Variants in NAV3 observed in about 807,000 individuals in gnomAD.
NAV3 encodes the protein pore membrane and/or filament interacting like protein 1.
NAV3 carries 87 observed loss-of-function variants against 244.7 expected under a neutral mutation model. The ratio of observed to expected loss-of-function variants is 0.36; its 90% confidence interval spans 0.30 to 0.42. NAV3 has a LOEUF of 0.42. Ranked by LOEUF, NAV3 falls within the 20% of genes least tolerant of loss-of-function variation. The pLI, the probability that NAV3 is intolerant of heterozygous loss-of-function variation, is 1.00. For missense variants in NAV3, 2,663 were observed against 2,893.3 expected (o/e 0.92, Z 1.83); for synonymous variants, 1,126 against 1,042.2 (o/e 1.08, Z -1.55).
intron 15 of NAV3, 133 bp from the exon 16 acceptor site, chr12:78,121,807 A>T: frequency 8.7e-7 from 1 of 1,151,586 alleles, no homozygotes; most frequent in Non-Finnish European, 1.2e-6. Flanking sequence ...AAAGTTCATT[A>T]ACATAGAGAC....
chr12:77,580,055 G>A (rs902066940), intron 2 of NAV3, among the ~76,000 whole-genome samples: 2 of 152,096 alleles, frequency 1.3e-5, no homozygotes, highest in Non-Finnish European at 1.5e-5. Flanking sequence ...GACTTACTAT[G>A]GGGCCCCAGC....
chr12:78,159,904 T>C (rs548700029), intron 23 of NAV3, among the ~76,000 whole-genome samples: 4 of 152,224 alleles, frequency 2.6e-5, no homozygotes, highest in African/African-American at 9.6e-5. Flanking sequence ...CAAACTGTTA[T>C]GCAGTTGACA....
intron 1 of NAV3, among the ~76,000 whole-genome samples, chr12:77,871,104 A>T (rs1880884270): frequency 6.6e-6 from 1 of 152,200 alleles, no homozygotes; most frequent in Non-Finnish European, 1.5e-5. Flanking sequence ...TTACAAGGGA[A>T]CATGTCTGTG....
At chr12:78,145,101 G>C (rs201808582) in intron 20 of NAV3, 1 of 300,522 alleles carries the variant, frequency 3.3e-6, no homozygotes, top group Non-Finnish European at 6.5e-6. Flanking sequence ...AAACCAAACT[G>C]TGTATAAAAC....
chr12:77,654,525 C>G (rs2695843), intron 2 of NAV3, among the ~76,000 whole-genome samples: 5 of 151,944 alleles, frequency 3.3e-5, no homozygotes, highest in Non-Finnish European at 7.4e-5. Context: ...CTCTGGGTGT[C>G]GGGCACAGAC....
In NAV3 at chr12:78,053,220, T is replaced by A. The variant is rs565915625; in HGVS notation, c.2516+2073T>A. On this transcript the variant is annotated intron_variant, in intron 11 of 39. Transcript: ENST00000397909. ...GACAGAGTGAGACTCCGTCTAAAAA[T>A]ATATATATATATAATATATATATGT... Among the ~76,000 whole-genome samples, 79 of 149,112 alleles carry A rather than the reference T, an allele frequency of 5.3e-4. 1 individual carries two copies. The highest frequency in any genetic ancestry group is 1.7e-3 in the African/African-American group (71 of 40,648).
At chr12:77,957,636 T>C (rs1891488031) in intron 3 of NAV3, among the ~76,000 whole-genome samples, 1 of 152,230 alleles carries the variant, frequency 6.6e-6, no homozygotes, top group African/African-American at 2.4e-5. Flanking sequence ...ATTTTTAGAA[T>C]AGTTTATTCA....
chr12:77,778,749 G>T (rs1341753674), intron 2 of NAV3, among the ~76,000 whole-genome samples: 1 of 152,050 alleles, frequency 6.6e-6, no homozygotes, highest in Admixed American at 6.6e-5. Context: ...TAAGGGAAGA[G>T]TTGTCAATCC....
At chr12:78,071,125 C>T (rs1439601838) in intron 12 of NAV3, among the ~76,000 whole-genome samples, 3 of 152,092 alleles carry the variant, frequency 2.0e-5, no homozygotes, top group Non-Finnish European at 4.4e-5. Context: ...GAGGAATTGC[C>T]ACACTGACTT....
At chr12:78,098,787 G>A (rs1341608197) in intron 12 of NAV3, among the ~76,000 whole-genome samples, 1 of 151,008 alleles carries the variant, frequency 6.6e-6, no homozygotes, top group Non-Finnish European at 1.5e-5. Context: ...AATACACAAA[G>A]GACATTGACA....
chr12:77,931,980 A>G (rs980646039), intron 1 of NAV3, among the ~76,000 whole-genome samples: 2 of 152,070 alleles, frequency 1.3e-5, no homozygotes, highest in African/African-American at 4.8e-5. Flanking sequence ...AGGCCATCCT[A>G]TAATGATGGC....
chr12:77,656,725 A>G (rs1205426648), intron 2 of NAV3, among the ~76,000 whole-genome samples: 1 of 149,734 alleles, frequency 6.7e-6, no homozygotes, highest in Non-Finnish European at 1.5e-5. Context: ...TCTCCTCAGC[A>G]AATGTAAAAG....
intron 2 of NAV3, among the ~76,000 whole-genome samples, chr12:77,643,632 A>T (rs1872510425): frequency 6.6e-6 from 1 of 151,794 alleles, no homozygotes; most frequent in African/African-American, 2.4e-5. Context: ...TAGACATATT[A>T]TAAAATCTAA....
At chr12:78,039,628 T>A (rs1292461719) in intron 9 of NAV3, among the ~76,000 whole-genome samples, 7 of 152,068 alleles carry the variant, frequency 4.6e-5, no homozygotes, top group Non-Finnish European at 2.9e-5. Flanking sequence ...TCATACAGAT[T>A]TGATTTCCTA....
intron 2 of NAV3, among the ~76,000 whole-genome samples, chr12:77,802,649 C>T (rs548755271): frequency 6.6e-6 from 1 of 152,026 alleles, no homozygotes; most frequent in African/African-American, 2.4e-5. Context: ...AAAAACAACA[C>T]TCTTCTTTTC....
rs2138620118 is a variant in NAV3 at position 78,119,589 on chromosome 12, T to A, written c.3393T>A (p.Thr1131=). ...DDVVLHVSSK[T]TLQYRSLPRP... is the part of the protein sequence containing the mutation. ...TTGTGCTGCATGTTAGCTCAAAGAC[T>A]ACCCTACAATATCGCAGCTTGCCCC... The change falls in exon 15 of 40, where the codon ACT becomes ACA. Residue 1131 remains threonine, a synonymous_variant. Coordinates refer to ENST00000397909, the MANE Select transcript of NAV3 (RefSeq NM_001024383.2). 1 of 1,614,140 alleles carries A rather than the reference T, an allele frequency of 6.2e-7. No homozygotes were observed. The highest frequency in any genetic ancestry group is 8.5e-7 in the Non-Finnish European group (1 of 1,180,016).
Position 78,177,766 on chromosome 12 carries a change from T to G in NAV3, c.5363+81T>G. On this transcript the variant is annotated intron_variant, in intron 28 of 39. Transcript: ENST00000397909. ...GTGTTTGCTTTTGCTTTTTCTAAAATCACTCACATGCATTTCAACAATAAA... is the reference window on the plus strand; with the variant it reads ...GTGTTTGCTTTTGCTTTTTCTAAAAGCACTCACATGCATTTCAACAATAAA... 8.0e-6 allele frequency: 10 copies of G among 1,254,456 alleles called. No homozygotes were observed. In the South Asian group the frequency reaches 1.3e-4, roughly 16 times the overall value. 77.7% of individuals were successfully genotyped at this position (1,254,456 alleles called of 1,614,324 possible).
intron 9 of NAV3, among the ~76,000 whole-genome samples, chr12:78,029,806 T>G (rs761435628): frequency 1.3e-5 from 2 of 152,196 alleles, no homozygotes; most frequent in Non-Finnish European, 1.5e-5. Flanking sequence ...TAATGCTATG[T>G]CATATTTTTT....
chr12:77,781,795 A>C (rs547518932), intron 2 of NAV3, among the ~76,000 whole-genome samples: 4 of 152,324 alleles, frequency 2.6e-5, no homozygotes, highest in Admixed American at 2.6e-4. Context: ...GTTCTTGGCA[A>C]TATTTAGTGA....
Sources: allele counts gnomAD v4.1 joint callset (sites outside exome capture counted in the v4.1 genomes callset), GRCh38; gene constraint gnomAD v4.1.1; transcripts MANE v1.5; gene names NCBI Gene and HGNC (gene_info 2026-07-23, HGNC 2026-07-21).